Variants in NAT10 observed in about 807,000 individuals in gnomAD.
NAT10 encodes the protein N-acetyltransferase 10.
NAT10 carries 109 observed loss-of-function variants against 132.2 expected under a neutral mutation model. The ratio of observed to expected loss-of-function variants is 0.82; its 90% CI spans 0.71 to 0.97. The LOEUF is 0.97. NAT10 is among the 50% of genes least tolerant of loss of function. The probability of loss-of-function intolerance (pLI) is 0.00; values close to 1 mark genes in which losing one functional copy is unlikely to be tolerated. For synonymous variants in NAT10, 479 were observed against 478.0 expected, an observed-to-expected ratio of 1.00 and a Z score of -0.03; for missense variants, 1,184 against 1,263.4, an observed-to-expected ratio of 0.94 and a Z score of 0.95.
At chr11:34,115,764 C>T in intron 5 of NAT10, 59 bp from the exon 6 acceptor site, 11 of 1,568,390 alleles carry the variant, frequency 7.0e-6, no homozygotes, top group Non-Finnish European at 7.0e-6. Context: ...TGTATTTGGA[C>T]CCTGGTCCTC....
rs1247578526 is a variant in NAT10, at chr11:34,130,918, G to A, written c.1350G>A (p.Thr450=). 1.2e-6 allele frequency: 2 copies of A among 1,613,902 alleles called. No homozygotes were observed. Among genetic ancestry groups the A allele is most frequent in the Admixed American group, 3.3e-5 (2 of 59,994 alleles). Reference sequence around the variant, plus strand: ...CCACTGCTGAGAATAAGACCACGACGACAGCCAGATTGGCATCAGGTACCC... The same window carrying A: ...CCACTGCTGAGAATAAGACCACGACAACAGCCAGATTGGCATCAGGTACCC... ...VSTTAENKTT[T]TARLASARTL... is the part of the protein sequence containing the mutation. Residue 450 remains threonine, a synonymous_variant, in exon 13 of 29, where the codon ACG becomes ACA. Transcript: ENST00000257829.
In NAT10 at chr11:34,139,195, A is replaced by G; in HGVS notation, c.2216A>G (p.Asp739Gly). 1.9e-6 allele frequency: 3 copies of G among 1,613,744 alleles called. No individual in the cohort carries two copies. Among genetic ancestry groups the G allele is most frequent in the Non-Finnish European group, 2.5e-6 (3 of 1,179,704 alleles). ...TTAAACCTCTGTGTTGCCCAGAATG[A>G]CCTGACCGGAGAGCACTCGTGCATC... ...VPVYLRQTPN[D>G]LTGEHSCIML... Residue 739 changes from aspartate (D) to glycine (G), a missense_variant, in exon 22 of 29, where the codon GAC (aspartate) becomes GGC (glycine). By Grantham distance (94) the Asp-to-Gly change is moderately conservative. Transcript: ENST00000257829.
rs771116004 is a variant in NAT10 at position 34,136,665 on chromosome 11, C to T, written c.2052C>T (p.Val684=). ...SSEAVSLLEE[V]ITPRKDLPPL... ...AGGCTGTCAGCTTGTTGGAAGAGGTCATCACTCCCCGGAAGGACCTGCCTC... is the reference window on the plus strand; with the variant it reads ...AGGCTGTCAGCTTGTTGGAAGAGGTTATCACTCCCCGGAAGGACCTGCCTC... The change falls in exon 20 of 29, where the codon GTC becomes GTT. Residue 684 remains valine (V), a synonymous_variant. Transcript: ENST00000257829. The T allele has an allele frequency of 8.7e-6, 14 of 1,614,142 alleles. No homozygotes were observed. In the Admixed American group the frequency reaches 2.2e-4, roughly 25 times the overall value.
Position 34,143,447 on chromosome 11 carries a change from AC to A in NAT10, c.2889del (p.Tyr963Ter). 4 of 1,613,132 alleles carry A rather than the reference AC, an allele frequency of 2.5e-6. No homozygotes were observed. The highest frequency in any genetic ancestry group is 2.5e-6 in the Non-Finnish European group (3 of 1,179,606). Reference sequence around the variant, plus strand: ...GATAGTTCCCTTCTTTTTTTTAGATACATAATCCGTGGGGACGATGAAGAGT... The same window carrying A: ...GATAGTTCCCTTCTTTTTTTTAGATAATAATCCGTGGGGACGATGAAGAGT... The part of the protein sequence containing the change: ...GKLKSMDLSE[Y>X]IIRGDDEEWN... On this transcript the variant is annotated frameshift_variant, in exon 28 of 29. Transcript: ENST00000257829. LOFTEE classifies it high-confidence loss of function.
rs372505633 is a variant in NAT10 at position 34,126,411 on chromosome 11, T to C, written c.1108-1052T>C. Among the ~76,000 whole-genome samples, 7 of 152,360 alleles carry C rather than the reference T, an allele frequency of 4.6e-5. No individual in the cohort carries two copies. In the East Asian group the frequency reaches 7.7e-4, roughly 17 times the overall value. On this transcript the variant is annotated intron_variant, in intron 11 of 28. Transcript: ENST00000257829. ...CAGCTTTCCTTTTTTAACATTTGTT[T>C]TCAAGATCTATGCAGATTAAAGCTT...
At chr11:34,131,346 G>A (rs758644207) in intron 13 of NAT10, 35 bp from the exon 14 acceptor site, 2 of 1,576,280 alleles carry the variant, frequency 1.3e-6, no homozygotes, top group South Asian at 1.2e-5. Context: ...TTTAATCATT[G>A]TTTCTTCTTT....
chr11:34,124,379 A>C lies in NAT10; in HGVS notation c.1086A>C (p.Arg362=). Residue 362 remains arginine (R), a synonymous_variant, in exon 11 of 29, where the codon CGA becomes CGC. Coordinates refer to ENST00000257829, the MANE Select transcript of NAT10 (RefSeq NM_024662.3). The part of the protein sequence containing the change: ...NKAVIRVNVF[R]EHRQTIQYIH... ...CAGTGATCAGAGTGAATGTATTTCGAGAACACAGGCAGACTATTCAGGTGA... is the reference window on the plus strand; with the variant it reads ...CAGTGATCAGAGTGAATGTATTTCGCGAACACAGGCAGACTATTCAGGTGA... 1 of 1,613,820 alleles carries C rather than the reference A, an allele frequency of 6.2e-7. No homozygotes were observed. Among genetic ancestry groups the C allele is most frequent in the African/African-American group, 1.3e-5 (1 of 75,060 alleles).
intron 12 of NAT10, among the ~76,000 whole-genome samples, chr11:34,129,295 A>C (rs1323719523): frequency 6.6e-6 from 1 of 152,094 alleles, no homozygotes; most frequent in African/African-American, 2.4e-5. Flanking sequence ...TCACACACTT[A>C]TTATGTATCT....
chr11:34,121,600 G>A (rs1347589894), intron 8 of NAT10, among the ~76,000 whole-genome samples: 3 of 152,086 alleles, frequency 2.0e-5, no homozygotes, highest in South Asian at 2.1e-4. Context: ...GGTGGCTCAC[G>A]CCTGTAATCC....
chr11:34,139,398 G>A lies in NAT10; in HGVS notation c.2322G>A (p.Arg774=), dbSNP rs575253922. ...GGCACCCCACAGATTTCCGACGGCGGTTCCTAGCCTTGCTCTCCTACCAGT... is the reference window on the plus strand; with the variant it reads ...GGCACCCCACAGATTTCCGACGGCGATTCCTAGCCTTGCTCTCCTACCAGT... ...LAAFWKDFRR[R]FLALLSYQFS... The change falls in exon 23 of 29, where the codon CGG becomes CGA. Residue 774 remains arginine, a synonymous_variant. Coordinates refer to ENST00000257829, the MANE Select transcript of NAT10 (RefSeq NM_024662.3). The A allele has an allele frequency of 1.9e-6, 3 of 1,614,154 alleles. No homozygotes were observed. Among genetic ancestry groups the A allele is most frequent in the African/African-American group, 1.3e-5 (1 of 75,040 alleles).
chr11:34,142,247 T>C (rs1852348758), intron 26 of NAT10, 28 bp from the exon 27 acceptor site: 1 of 1,608,416 alleles, frequency 6.2e-7, no homozygotes, highest in Non-Finnish European at 8.5e-7. Flanking sequence ...GACTCTGACT[T>C]AGTCTCTTTA....
chr11:34,117,686 T>C, intron 6 of NAT10, among the ~76,000 whole-genome samples: 1 of 152,218 alleles, frequency 6.6e-6, no homozygotes, highest in East Asian at 1.9e-4. Flanking sequence ...TTTTCCCTGC[T>C]TGCAAGAACG....
At chr11:34,134,844 G>C (rs1402662097) in intron 18 of NAT10, among the ~76,000 whole-genome samples, 1 of 152,190 alleles carries the variant, frequency 6.6e-6, no homozygotes, top group African/African-American at 2.4e-5. Flanking sequence ...ACCTCACTGA[G>C]TAATTGGCTG....
In NAT10 at chr11:34,122,594, T is replaced by C; in HGVS notation, c.914+2T>C. 3 of 1,613,800 alleles carry C rather than the reference T, an allele frequency of 1.9e-6. No individual in the cohort carries two copies. Among genetic ancestry groups the C allele is most frequent in the Non-Finnish European group, 2.5e-6 (3 of 1,179,908 alleles). On this transcript the variant is annotated splice_donor_variant, in intron 9 of 28. Transcript: ENST00000257829. LOFTEE classifies it high-confidence loss of function. ...GATTGCTGGGGCGGTGGCATTTGGG[T>C]AAGGGGATTCAGTCCCCCATCTTTA...
chr11:34,123,113 G>A (rs1464635819), intron 9 of NAT10, among the ~76,000 whole-genome samples: 1 of 152,194 alleles, frequency 6.6e-6, no homozygotes, highest in Non-Finnish European at 1.5e-5. Context: ...AATGAACCTA[G>A]AACTTACTGT....
rs749829495 is a variant in NAT10 at position 34,134,426 on chromosome 11, G to C, written c.1836+6G>C. The C allele has an allele frequency of 1.2e-6, 2 of 1,613,972 alleles. No individual in the cohort carries two copies. The highest frequency in any genetic ancestry group is 1.7e-6 in the Non-Finnish European group (2 of 1,179,962). ...CATGGACAGTGTCAGAACAGGTGAC[G>C]GGCTTTCCCTGGTGTGTCTGAGGGA... On this transcript the variant is annotated splice_donor_region_variant and intron_variant, in intron 17 of 28. Coordinates refer to ENST00000257829, the MANE Select transcript of NAT10 (RefSeq NM_024662.3).
In NAT10 at chr11:34,131,421, A is replaced by T. The variant is rs1287821592; in HGVS notation, c.1410A>T (p.Arg470=). 1 of 1,614,172 alleles carries T rather than the reference A, an allele frequency of 6.2e-7. No homozygotes were observed. ...LYEVSLQESI[R]YAPGDAVEKW... is the part of the protein sequence containing the mutation. Reference sequence around the variant, plus strand: ...AGGTTTCCCTCCAGGAGTCAATCCGATACGCCCCTGGGGATGCAGTGGAGA... The same window carrying T: ...AGGTTTCCCTCCAGGAGTCAATCCGTTACGCCCCTGGGGATGCAGTGGAGA... The change falls in exon 14 of 29, where the codon CGA becomes CGT. Residue 470 remains arginine, a synonymous_variant. Coordinates refer to ENST00000257829, the MANE Select transcript of NAT10 (RefSeq NM_024662.3).
intron 12 of NAT10, among the ~76,000 whole-genome samples, chr11:34,127,853 GCTT>G (rs1852025357): frequency 6.6e-6 from 1 of 152,176 alleles, no homozygotes; most frequent in Non-Finnish European, 1.5e-5. Context: ...CTGAGTGTCT[GCTT>G]CTGTCTGTAG....
chr11:34,144,523 A>G (rs959612092), intron 28 of NAT10, among the ~76,000 whole-genome samples: 6 of 152,210 alleles, frequency 3.9e-5, no homozygotes, highest in African/African-American at 4.8e-5. Flanking sequence ...ACTCTCTGGA[A>G]AACTGAATAT....
Sources: allele counts gnomAD v4.1 joint callset (sites outside exome capture counted in the v4.1 genomes callset), GRCh38; gene constraint gnomAD v4.1.1; transcripts MANE v1.5; gene names NCBI Gene and HGNC (gene_info 2026-07-23, HGNC 2026-07-21).